SLC25A21: variants seen among roughly 807,000 people sequenced by gnomAD.
The protein encoded by SLC25A21 is mitochondrial 2-oxodicarboxylate carrier.
SLC25A21 carries 47 observed loss-of-function variants against 43.8 expected under a neutral mutation model. The ratio of observed to expected loss-of-function variants is 1.07; its 90% CI spans 0.85 to 1.37. The LOEUF is 1.37. Among genes scored for constraint, SLC25A21 ranks in the 40% most tolerant of loss-of-function variants. The probability of loss-of-function intolerance (pLI) is 0.00; values close to 1 mark genes in which losing one functional copy is unlikely to be tolerated. For missense variants in SLC25A21, 352 were observed against 350.2 expected, an observed-to-expected ratio of 1.00 and a Z score of -0.04; for synonymous variants, 131 against 121.3, an observed-to-expected ratio of 1.08 and a Z score of -0.52.
intron 1 of SLC25A21, among the ~76,000 whole-genome samples, chr14:37,038,666 G>C (rs1961379480): frequency 1.3e-5 from 2 of 152,144 alleles, no homozygotes; most frequent in South Asian, 2.1e-4. Flanking sequence ...AAGAGAGGGG[G>C]ATAGTCTTTT....
intron 1 of SLC25A21, among the ~76,000 whole-genome samples, chr14:36,998,638 A>G (rs1960423070): frequency 6.6e-6 from 1 of 152,136 alleles, no homozygotes; most frequent in South Asian, 2.1e-4. Flanking sequence ...GTGACAAAGA[A>G]GAGCCTATTC....
chr14:36,679,015 T>TA lies in SLC25A21; in HGVS notation c.*1642dup, dbSNP rs3061566. 5.6e-5 allele frequency: 55 copies of TA among 984,560 alleles called. No homozygotes were observed. In the South Asian group the frequency reaches 2.5e-3, roughly 45 times the overall value. 61.0% of individuals were successfully genotyped at this position (984,560 alleles called of 1,614,324 possible). On this transcript the variant is annotated 3_prime_UTR_variant, in exon 10 of 10. Transcript: ENST00000331299. ...TCATAGATGGTAAAAGTGTTGCTTT[T>TA]AAACTGGCAAATGCACTCTTCAGAA...
At chr14:36,737,297 T>G (rs940048971) in intron 3 of SLC25A21, among the ~76,000 whole-genome samples, 1 of 152,200 alleles carries the variant, frequency 6.6e-6, no homozygotes, top group Non-Finnish European at 1.5e-5. Flanking sequence ...AGAGGTGTGA[T>G]GCAGGAGAGA....
intron 1 of SLC25A21, among the ~76,000 whole-genome samples, chr14:37,108,860 T>C (rs1962966447): frequency 6.6e-6 from 1 of 152,006 alleles, no homozygotes; most frequent in Non-Finnish European, 1.5e-5. Context: ...TTTTATCTTC[T>C]TGTACCTTTC....
At chr14:36,898,026 C>G (rs1891293092) in intron 1 of SLC25A21, among the ~76,000 whole-genome samples, 1 of 152,216 alleles carries the variant, frequency 6.6e-6, no homozygotes, top group African/African-American at 2.4e-5. Flanking sequence ...AGATCTCCAG[C>G]TGCATGCTGG....
At chr14:36,916,591 C>T (rs1056269813) in intron 1 of SLC25A21, among the ~76,000 whole-genome samples, 1 of 152,156 alleles carries the variant, frequency 6.6e-6, no homozygotes, top group African/African-American at 2.4e-5. Context: ...GTCATAACAG[C>T]ATAAATTGTT....
chr14:36,949,754 T>C (rs1318546357), intron 1 of SLC25A21, among the ~76,000 whole-genome samples: 2 of 152,174 alleles, frequency 1.3e-5, no homozygotes, highest in African/African-American at 4.8e-5. Flanking sequence ...TAGAGTTGAA[T>C]TGGGACAGTA....
At chr14:36,921,821 T>C (rs1380596835) in intron 1 of SLC25A21, among the ~76,000 whole-genome samples, 1 of 152,128 alleles carries the variant, frequency 6.6e-6, no homozygotes, top group Non-Finnish European at 1.5e-5. Context: ...TCTGAATGTG[T>C]GCCATACTTT....
At chr14:36,927,998 T>C (rs1022102356) in intron 1 of SLC25A21, among the ~76,000 whole-genome samples, 1 of 152,110 alleles carries the variant, frequency 6.6e-6, no homozygotes, top group African/African-American at 2.4e-5. Context: ...CAGTGGTAGC[T>C]AGAGCCCCCG....
At chr14:36,870,191 G>A (rs752198661) in intron 2 of SLC25A21, among the ~76,000 whole-genome samples, 4 of 152,260 alleles carry the variant, frequency 2.6e-5, no homozygotes, top group Non-Finnish European at 5.9e-5. Context: ...AATTCTAGAC[G>A]TCATAAAAAA....
chr14:37,008,962 A>G (rs908156659), intron 1 of SLC25A21, among the ~76,000 whole-genome samples: 5 of 152,214 alleles, frequency 3.3e-5, no homozygotes, highest in Non-Finnish European at 7.3e-5. Flanking sequence ...GAAGAGTAAC[A>G]TGACTTATAG....
intron 1 of SLC25A21, among the ~76,000 whole-genome samples, chr14:37,047,671 G>C (rs1022585285): frequency 6.6e-6 from 1 of 152,176 alleles, no homozygotes; most frequent in Non-Finnish European, 1.5e-5. Context: ...CAGTAAAGAA[G>C]TTCACATTGA....
chr14:36,734,624 T>C lies in SLC25A21; in HGVS notation c.204-51A>G, dbSNP rs368268938. The C allele has an allele frequency of 1.4e-3, 1,960 of 1,383,206 alleles. 6 individuals carry two copies. The highest frequency in any genetic ancestry group is 6.0e-3 in the Middle Eastern group (27 of 4,530). 85.7% of individuals were successfully genotyped at this position (1,383,206 alleles called of 1,614,324 possible). On this transcript the variant is annotated intron_variant, in intron 3 of 9. Transcript: ENST00000331299. ...ATGAGTAAGGAAATTAGGCAACAAG[T>C]ATTTCTGACTTTGTTAAGATAATCC...
At chr14:36,895,886 T>C (rs1410102935) in intron 1 of SLC25A21, among the ~76,000 whole-genome samples, 1 of 152,248 alleles carries the variant, frequency 6.6e-6, no homozygotes, top group Non-Finnish European at 1.5e-5. Flanking sequence ...CTAGTTTCAT[T>C]GCACTGTGGT....
intron 1 of SLC25A21, among the ~76,000 whole-genome samples, chr14:37,017,266 G>A (rs1394191664): frequency 1.3e-5 from 2 of 151,942 alleles, no homozygotes; most frequent in Non-Finnish European, 2.9e-5. Flanking sequence ...ACACTTAGAT[G>A]TCACTGTAGG....
chr14:36,778,450 A>T (rs1399893751), intron 3 of SLC25A21, among the ~76,000 whole-genome samples: 1 of 152,236 alleles, frequency 6.6e-6, no homozygotes, highest in African/African-American at 2.4e-5. Context: ...AACACGTATT[A>T]GTTCTTCCCA....
intron 3 of SLC25A21, among the ~76,000 whole-genome samples, chr14:36,748,278 G>A (rs766557331): frequency 6.6e-6 from 1 of 152,118 alleles, no homozygotes; most frequent in African/African-American, 2.4e-5. Flanking sequence ...CCTCCACCTC[G>A]GGCTCTGTTT....
At chr14:36,984,912 A>G (rs1426901185) in intron 1 of SLC25A21, among the ~76,000 whole-genome samples, 1 of 151,448 alleles carries the variant, frequency 6.6e-6, no homozygotes, top group African/African-American at 2.4e-5. Context: ...AATAGCAAAG[A>G]CTTGGAACCA....
chr14:36,751,700 A>C (rs1301928715), intron 3 of SLC25A21, among the ~76,000 whole-genome samples: 1 of 152,302 alleles, frequency 6.6e-6, no homozygotes, highest in Non-Finnish European at 1.5e-5. Flanking sequence ...TATCAATCGT[A>C]CTTCTAATTT....
Sources: gnomAD v4.1 joint callset for allele counts (sites outside exome capture counted in the v4.1 genomes callset) on GRCh38, gnomAD v4.1.1 for gene constraint, MANE v1.5 for transcripts, NCBI Gene and HGNC (gene_info 2026-07-23, HGNC 2026-07-21) for gene names.